PRKAG2: variants seen among roughly 807,000 people sequenced by gnomAD.
The protein encoded by PRKAG2 is 5'-AMP-activated protein kinase subunit gamma-2.
A neutral mutation model predicts 69.6 loss-of-function variants in PRKAG2; 26 were observed. The ratio of observed to expected loss-of-function variants is 0.37; its 90% CI spans 0.27 to 0.52. The LOEUF is 0.52. PRKAG2 is among the 20% of genes least tolerant of loss of function. The pLI, the probability that PRKAG2 is intolerant of heterozygous loss-of-function variation, is 0.90. For missense variants in PRKAG2, 557 were observed against 740.0 expected (o/e 0.75, Z 2.87); for synonymous variants, 293 against 285.0 (o/e 1.03, Z -0.28).
In PRKAG2 at chr7:151,678,440, C is replaced by T. The variant is rs958198370; in HGVS notation, c.467-2803G>A. Among the ~76,000 whole-genome samples, 6 of 152,034 alleles carry T rather than the reference C, an allele frequency of 3.9e-5. No homozygotes were observed. The South Asian group carries it at 1.0e-3, about 26-fold the overall frequency. Reference sequence around the variant, plus strand: ...CTGTTCCTCTCTGTGGAGAGTGGGGCGCATGTTTTGTTTTGTGTGTCCGGG... The same window carrying T: ...CTGTTCCTCTCTGTGGAGAGTGGGGTGCATGTTTTGTTTTGTGTGTCCGGG... On this transcript the variant is annotated intron_variant, in intron 3 of 15. Transcript: ENST00000287878.
In PRKAG2 at chr7:151,699,369, G is replaced by A. The variant is rs1001689990; in HGVS notation, c.467-23732C>T. On this transcript the variant is annotated intron_variant, in intron 3 of 15. Transcript: ENST00000287878. This position sits in a 1 kb window ranked among gnomAD's most constrained non-coding sequence, Gnocchi z 4.5. ...GCTGGCCGGATGCCTGTGTGGTTAC[G>A]ATCCGGTTACATCTCAGCCCCCTGC... is the stretch of plus-strand genomic sequence containing the variant. Among the ~76,000 whole-genome samples the A allele has an allele frequency of 2.6e-5, 4 of 152,150 alleles. No individual in the cohort carries two copies. The highest frequency in any genetic ancestry group is 3.9e-4 in the East Asian group (2 of 5,188).
At chr7:151,754,516 C>A (rs2074936200) in intron 3 of PRKAG2, among the ~76,000 whole-genome samples, 2 of 152,216 alleles carry the variant, frequency 1.3e-5, no homozygotes, top group Non-Finnish European at 2.9e-5. Flanking sequence ...TGGGCCAGCA[C>A]TGGGGCTTAG....
rs190981264 is a variant in PRKAG2, at chr7:151,781,015, G to C, written c.466+137C>G. ...TTTGTTTAGGGGGAAGTGGGGGTGG[G>C]GAGAAACAGATACAGGCACTCAGCA... On this transcript the variant is annotated intron_variant, in intron 3 of 15. Coordinates refer to ENST00000287878, the MANE Select transcript of PRKAG2 (RefSeq NM_016203.4). This position sits in a 1 kb window ranked among gnomAD's most constrained non-coding sequence, Gnocchi z 6.1. 6.8e-6 allele frequency: 8 copies of C among 1,168,014 alleles called. No individual in the cohort carries two copies. The highest frequency in any genetic ancestry group is 1.0e-5 in the Non-Finnish European group (8 of 794,474). 72.4% of individuals were successfully genotyped at this position (1,168,014 alleles called of 1,614,324 possible).
rs1415542981 is a variant in PRKAG2, at chr7:151,719,404, A to T, written c.467-43767T>A. Among the ~76,000 whole-genome samples, 1 of 151,794 alleles carries T rather than the reference A, an allele frequency of 6.6e-6. No individual in the cohort carries two copies. Among genetic ancestry groups the T allele is most frequent in the South Asian group, 2.1e-4 (1 of 4,756 alleles). On this transcript the variant is annotated intron_variant, in intron 3 of 15. Transcript: ENST00000287878. This position sits in a 1 kb window ranked among gnomAD's most constrained non-coding sequence, Gnocchi z 5.2. The stretch of plus-strand genomic sequence containing the variant: ...CTTCCGCTTCCCCCTTCACACAGAG[A>T]CCATGCTCCCAACCCACCCCAAACC...
At chr7:151,808,792 C>T (rs1276577621) in intron 1 of PRKAG2, among the ~76,000 whole-genome samples, 3 of 152,288 alleles carry the variant, frequency 2.0e-5, no homozygotes, top group East Asian at 1.9e-4. Context: ...GCCTGAGGGC[C>T]GGCCTCCAGG....
intron 4 of PRKAG2, among the ~76,000 whole-genome samples, chr7:151,634,780 C>CATT (rs1218630464): frequency 6.6e-6 from 1 of 151,908 alleles, no homozygotes; most frequent in Non-Finnish European, 1.5e-5. Context: ...AGTCATTAGC[C>CATT]ATTATATAAA....
chr7:151,584,273 G>A (rs1346007535), intron 6 of PRKAG2, among the ~76,000 whole-genome samples: 1 of 152,148 alleles, frequency 6.6e-6, no homozygotes, highest in Non-Finnish European at 1.5e-5. Context: ...AGGAACATGG[G>A]GCCTCCAATG....
At chr7:151,722,856 T>C (rs1484732412) in intron 3 of PRKAG2, among the ~76,000 whole-genome samples, 1 of 152,056 alleles carries the variant, frequency 6.6e-6, no homozygotes, top group East Asian at 1.9e-4. Context: ...AGGACATTCT[T>C]CCCTGCCCCA....
At chr7:151,652,988 C>T (rs1828793767) in intron 4 of PRKAG2, among the ~76,000 whole-genome samples, 1 of 151,484 alleles carries the variant, frequency 6.6e-6, no homozygotes, top group South Asian at 2.1e-4. Context: ...TACTGAACTG[C>T]CGTACAGCAA....
At chr7:151,842,077 GT>G (rs1563746560) in intron 1 of PRKAG2, among the ~76,000 whole-genome samples, 10 of 140,992 alleles carry the variant, frequency 7.1e-5, no homozygotes, top group African/African-American at 2.7e-4. Context: ...ATGGTAGGTA[GT>G]GATGATGGTA....
chr7:151,711,279 AC>A (rs372127243), intron 3 of PRKAG2, among the ~76,000 whole-genome samples: 3 of 80,052 alleles, frequency 3.7e-5, no homozygotes, highest in Non-Finnish European at 7.9e-5. Context: ...GGCTGAGAGT[AC>A]TGAGTGCTAG....
intron 3 of PRKAG2, among the ~76,000 whole-genome samples, chr7:151,779,684 C>T (rs1231530319): frequency 2.0e-5 from 3 of 152,204 alleles, no homozygotes; most frequent in Non-Finnish European, 4.4e-5. Context: ...ACTAGGAGCC[C>T]TTGAAGGCAG....
chr7:151,770,424 ATAACCTGTT>A (rs1252963192), intron 3 of PRKAG2, among the ~76,000 whole-genome samples: 2 of 152,188 alleles, frequency 1.3e-5, no homozygotes, highest in African/African-American at 4.8e-5. Flanking sequence ...AGCTCCTCCT[ATAACCTGTT>A]GAATATGTAC....
intron 5 of PRKAG2, among the ~76,000 whole-genome samples, chr7:151,607,748 T>C (rs765228923): frequency 1.3e-5 from 2 of 152,200 alleles, no homozygotes; most frequent in South Asian, 2.1e-4. Flanking sequence ...GTTTTGAGAA[T>C]GCGTTCCTCA....
At chr7:151,654,890 GC>G (rs1428784739) in intron 4 of PRKAG2, among the ~76,000 whole-genome samples, 5 of 152,098 alleles carry the variant, frequency 3.3e-5, no homozygotes, top group African/African-American at 1.2e-4. Flanking sequence ...ACGGGGTTTT[GC>G]CATGTTGGCC....
chr7:151,822,750 CA>C (rs1645510976), intron 1 of PRKAG2, among the ~76,000 whole-genome samples: 1 of 152,262 alleles, frequency 6.6e-6, no homozygotes, highest in Non-Finnish European at 1.5e-5. Context: ...GAGCCAGGGT[CA>C]GGGGTGCAGA....
In PRKAG2 at chr7:151,835,001, G is replaced by A. The variant is rs903003251; in HGVS notation, c.114+41506C>T. 2.6e-5 allele frequency among the ~76,000 whole-genome samples: 4 copies of A among 152,158 alleles called. No homozygotes were observed. Among genetic ancestry groups the A allele is most frequent in the African/African-American group, 2.4e-5 (1 of 41,438 alleles). Reference sequence around the variant, plus strand: ...CTTCATCCTCACCAGAGGTCTCTCCGGGCATATCTGTGTCCAGAATCCCCC... The same window carrying A: ...CTTCATCCTCACCAGAGGTCTCTCCAGGCATATCTGTGTCCAGAATCCCCC... On this transcript the variant is annotated intron_variant, in intron 1 of 15. Coordinates refer to ENST00000287878, the MANE Select transcript of PRKAG2 (RefSeq NM_016203.4). This position sits in a 1 kb window ranked among gnomAD's most constrained non-coding sequence, Gnocchi z 4.1.
intron 4 of PRKAG2, among the ~76,000 whole-genome samples, chr7:151,645,365 G>A (rs935648239): frequency 1.3e-5 from 2 of 152,188 alleles, no homozygotes; most frequent in Admixed American, 6.5e-5. Context: ...CTAACCACAT[G>A]AGCTTGGAAA....
chr7:151,600,905 G>A (rs1281613387), intron 5 of PRKAG2, among the ~76,000 whole-genome samples: 1 of 152,182 alleles, frequency 6.6e-6, no homozygotes, highest in Non-Finnish European at 1.5e-5. Context: ...CAACCTCGAG[G>A]AATACAGCTT....
Sources: allele counts gnomAD v4.1 joint callset (sites outside exome capture counted in the v4.1 genomes callset), GRCh38; gene constraint gnomAD v4.1.1; non-coding constraint Gnocchi (gnomAD v3.1); transcripts MANE v1.5; gene names NCBI Gene and HGNC (gene_info 2026-07-23, HGNC 2026-07-21).